Variants in PRKN observed in about 807,000 individuals in gnomAD.
PRKN encodes E3 ubiquitin-protein ligase parkin.
A neutral mutation model predicts 59.5 loss-of-function variants in PRKN; 56 were observed. The ratio of observed to expected loss-of-function variants is 0.94; its 90% CI spans 0.76 to 1.18. The LOEUF (loss-of-function observed/expected upper bound fraction) is 1.18, where lower values mean the gene tolerates loss of function less well. Among genes scored for constraint, PRKN ranks in the 50% most tolerant of loss-of-function variants. The pLI is 0.00. For missense variants in PRKN, 657 were observed against 596.4 expected, an observed-to-expected ratio of 1.10 and a Z score of -1.06; for synonymous variants, 250 against 222.1, an observed-to-expected ratio of 1.13 and a Z score of -1.12.
chr6:162,347,762 TA>T (rs1036242101), intron 2 of PRKN, among the ~76,000 whole-genome samples: 2 of 152,188 alleles, frequency 1.3e-5, no homozygotes, highest in African/African-American at 4.8e-5. Flanking sequence ...TTTCTTCTTT[TA>T]AAAAGAGCTT....
chr6:161,559,560 G>C (rs1780375056), intron 8 of PRKN, among the ~76,000 whole-genome samples: 1 of 152,158 alleles, frequency 6.6e-6, no homozygotes, highest in Non-Finnish European at 1.5e-5. Context: ...AAAGGAGCTG[G>C]GGCACAGGTC....
chr6:161,757,878 T>TACACAC lies in PRKN; in HGVS notation c.871+27893_871+27894insGTGTGT, dbSNP rs1172982499. On this transcript the variant is annotated intron_variant, in intron 7 of 11. Transcript: ENST00000366898. ...CTCTCTCTCTCTCTCTCTCTGTGTA[T>TACACAC]ATATATATACACACACACACACACA... is the stretch of plus-strand genomic sequence containing the variant. Among the ~76,000 whole-genome samples the TACACAC allele has an allele frequency of 1.6e-4, 15 of 94,696 alleles. 1 individual carries two copies. The highest frequency in any genetic ancestry group is 6.5e-4 in the African/African-American group (13 of 20,130). 62.1% of individuals were successfully genotyped at this position (94,696 alleles called of 152,430 possible).
In PRKN at chr6:161,359,998, G is replaced by T; in HGVS notation, c.1285+90C>A. On this transcript the variant is annotated intron_variant, in intron 11 of 11. Coordinates refer to ENST00000366898, the MANE Select transcript of PRKN (RefSeq NM_004562.3). This position sits in a 1 kb window ranked among gnomAD's most constrained non-coding sequence, Gnocchi z 5.4. ...CCAACACACCAGGCACCTTCAGACA[G>T]CATCTCCTTTAATCCTGGAATCCCT... 1 of 949,106 alleles carries T rather than the reference G, an allele frequency of 1.1e-6. No individual in the cohort carries two copies. The highest frequency in any genetic ancestry group is 1.7e-6 in the Non-Finnish European group (1 of 574,140). The allele number at this position is 949,106 out of a possible 1,614,324, so 58.8% of individuals were successfully genotyped here. A position where few individuals can be genotyped will look rare whatever the true frequency, so the allele number is the denominator to read the frequency against.
intron 2 of PRKN, among the ~76,000 whole-genome samples, chr6:162,352,238 C>G (rs1000058201): frequency 2.6e-5 from 4 of 152,146 alleles, no homozygotes; most frequent in Non-Finnish European, 4.4e-5. Context: ...CACCAGGGGG[C>G]CCTGAGAACC....
intron 1 of PRKN, among the ~76,000 whole-genome samples, chr6:162,555,691 A>G (rs1027598748): frequency 6.6e-6 from 1 of 152,148 alleles, no homozygotes; most frequent in Non-Finnish European, 1.5e-5. Context: ...TTTCATAATT[A>G]AAGTTTCTAA....
At chr6:162,171,423 T>C (rs1783267280) in intron 4 of PRKN, among the ~76,000 whole-genome samples, 1 of 152,160 alleles carries the variant, frequency 6.6e-6, no homozygotes. Context: ...GCTTTTCTGA[T>C]GATTTGGCTG....
chr6:162,095,270 C>T (rs563719853), intron 4 of PRKN, among the ~76,000 whole-genome samples: 4 of 152,180 alleles, frequency 2.6e-5, no homozygotes, highest in African/African-American at 7.2e-5. Flanking sequence ...TTAGTCCTCA[C>T]GAGGCCTACA....
chr6:162,171,853 C>T (rs544064383), intron 4 of PRKN, among the ~76,000 whole-genome samples: 2 of 152,244 alleles, frequency 1.3e-5, no homozygotes, highest in African/African-American at 4.8e-5. Context: ...TAGGAGGATA[C>T]GGACTTGCCT....
chr6:161,635,730 G>A (rs778398670), intron 7 of PRKN, among the ~76,000 whole-genome samples: 5 of 152,160 alleles, frequency 3.3e-5, no homozygotes, highest in Admixed American at 6.5e-5. Flanking sequence ...GAAAAGTGGA[G>A]AGTTCCAGAG....
chr6:162,262,020 A>T lies in PRKN; in HGVS notation c.412+505T>A, dbSNP rs1427059245. ...TTTTGTGTCTTCTGTCAAACACAGT[A>T]AAAATTAATTCTATTACACCTTTGA... On this transcript the variant is annotated intron_variant, in intron 3 of 11. Transcript: ENST00000366898. 2.6e-5 allele frequency among the ~76,000 whole-genome samples: 4 copies of T among 152,204 alleles called. No homozygotes were observed. The East Asian group carries it at 7.7e-4, about 29-fold the overall frequency.
At chr6:162,639,503 C>A (rs1229374001) in intron 1 of PRKN, among the ~76,000 whole-genome samples, 2 of 152,074 alleles carry the variant, frequency 1.3e-5, no homozygotes, top group African/African-American at 2.4e-5. Context: ...GGGATAATGT[C>A]CAACAGGGCA....
intron 4 of PRKN, among the ~76,000 whole-genome samples, chr6:162,099,024 A>C (rs551081514): frequency 1.4e-5 from 2 of 141,400 alleles, no homozygotes; most frequent in Admixed American, 7.1e-5. Context: ...CTTTTAATAA[A>C]AGCTCTTTGT....
chr6:162,534,567 A>G (rs724790), intron 1 of PRKN, among the ~76,000 whole-genome samples: 53,465 of 152,072 alleles, frequency 0.35, 11,209 homozygotes, highest in Middle Eastern at 0.51. Flanking sequence ...TTCAATATAC[A>G]CTGACTGAAT....
intron 9 of PRKN, among the ~76,000 whole-genome samples, chr6:161,438,034 C>T (rs1583067454): frequency 6.6e-6 from 1 of 152,006 alleles, no homozygotes; most frequent in Non-Finnish European, 1.5e-5. Flanking sequence ...TGGTGTGAGT[C>T]GTACTAAGTC....
intron 1 of PRKN, among the ~76,000 whole-genome samples, chr6:162,451,897 A>G (rs1006743043): frequency 5.9e-5 from 9 of 152,242 alleles, no homozygotes; most frequent in African/African-American, 2.2e-4. Flanking sequence ...ACAAATGTCA[A>G]GCAGGATAAA....
chr6:161,926,385 G>A (rs141045419), intron 6 of PRKN, among the ~76,000 whole-genome samples: 52 of 152,308 alleles, frequency 3.4e-4, no homozygotes, highest in African/African-American at 1.0e-3. Context: ...GTGGTTATTA[G>A]ACTGAGGTCA....
At chr6:162,401,600 A>G (rs1344334512) in intron 2 of PRKN, among the ~76,000 whole-genome samples, 1 of 152,168 alleles carries the variant, frequency 6.6e-6, no homozygotes, top group Non-Finnish European at 1.5e-5. Context: ...TACGGTTCCT[A>G]CTGAATGCCT....
At chr6:162,076,252 A>G (rs113421093) in intron 4 of PRKN, among the ~76,000 whole-genome samples, 29 of 152,120 alleles carry the variant, frequency 1.9e-4, no homozygotes, top group African/African-American at 5.8e-4. Flanking sequence ...TACAGGTTGC[A>G]AGCCACCTGG....
At chr6:162,653,509 T>C (rs531857012) in intron 1 of PRKN, among the ~76,000 whole-genome samples, 1 of 152,232 alleles carries the variant, frequency 6.6e-6, no homozygotes, top group Non-Finnish European at 1.5e-5. Flanking sequence ...ACCTTTTCAA[T>C]AGACAAAATG....
Sources: allele counts gnomAD v4.1 joint callset (sites outside exome capture counted in the v4.1 genomes callset), GRCh38; gene constraint gnomAD v4.1.1; non-coding constraint Gnocchi (gnomAD v3.1); transcripts MANE v1.5; gene names NCBI Gene and HGNC (gene_info 2026-07-23, HGNC 2026-07-21).